HEATR4: variants seen among roughly 807,000 people sequenced by gnomAD.
HEATR4 encodes the protein HEAT repeat containing 4.
A neutral mutation model predicts 108.8 loss-of-function variants in HEATR4; 95 were observed. The observed-to-expected ratio is 0.87, with a 90% CI of 0.74 to 1.04. The LOEUF is 1.04. Ranked by LOEUF, HEATR4 falls within the 50% of genes least tolerant of loss-of-function variation. HEATR4 has a pLI of 0.00. For missense variants in HEATR4, 1,152 were observed against 1,253.8 expected (o/e 0.92, Z 1.23); for synonymous variants, 443 against 459.4 (o/e 0.96, Z 0.46).
chr14:73,555,360 A>G lies in HEATR4; in HGVS notation c.-152+3391T>C, dbSNP rs149409613. Among the ~76,000 whole-genome samples the G allele has an allele frequency of 2.4e-3, 267 of 112,668 alleles. 54 individuals are homozygous for G. The highest frequency in any genetic ancestry group is 7.2e-3 in the African/African-American group (252 of 34,902). 73.9% of individuals were successfully genotyped at this position (112,668 alleles called of 152,430 possible). On this transcript the variant is annotated intron_variant, in intron 1 of 17. Transcript: ENST00000553558. ...TTTACAAGCAGAGAGTGGGGTGACA[A>G]AGTGCTGAAGCAAAAAAACTTCCAA...
At chr14:73,499,166 T>C (rs1167797270) in intron 12 of HEATR4, 26 bp from the exon 13 acceptor site, 1 of 1,602,172 alleles carries the variant, frequency 6.2e-7, no homozygotes, top group East Asian at 2.2e-5. Context: ...CAGTGTTGAG[T>C]GGGGAGGACC....
At chr14:73,493,870 T>G (rs1216228964) in intron 16 of HEATR4, among the ~76,000 whole-genome samples, 1 of 152,306 alleles carries the variant, frequency 6.6e-6, no homozygotes, top group South Asian at 2.1e-4. Context: ...AAGAATCTTA[T>G]CTGATTGGGA....
intron 7 of HEATR4, among the ~76,000 whole-genome samples, chr14:73,510,686 T>G (rs1368349753): frequency 6.6e-6 from 1 of 152,212 alleles, no homozygotes; most frequent in Non-Finnish European, 1.5e-5. Context: ...TCCACCTGCC[T>G]TGGCCTTCCA....
chr14:73,559,208 A>C (rs1411538461), upstream of HEATR4, among the ~76,000 whole-genome samples: 1 of 151,712 alleles, frequency 6.6e-6, no homozygotes, highest in Non-Finnish European at 1.5e-5. Context: ...ATCTCGGCTC[A>C]CTGCAACCTG....
chr14:73,486,917 A>C (rs1000630157), intron 17 of HEATR4, among the ~76,000 whole-genome samples: 1 of 152,152 alleles, frequency 6.6e-6, no homozygotes, highest in African/African-American at 2.4e-5. Context: ...GGCTCTATTC[A>C]TCTTCTTTTC....
intron 2 of HEATR4, among the ~76,000 whole-genome samples, chr14:73,528,066 G>T (rs1338696031): frequency 1.3e-5 from 2 of 150,026 alleles, no homozygotes; most frequent in Admixed American, 6.7e-5. Context: ...AAACATCCCA[G>T]AAAGAATACC....
At chr14:73,612,849 TG>T in the HEATR4 span, 1 of 1,420,166 alleles carries the variant, frequency 7.0e-7, no homozygotes, top group Non-Finnish European at 9.4e-7. Flanking sequence ...TTGGTGCGGC[TG>T]GTGAAGCGCG....
chr14:73,480,137 C>T (rs1055882250), intron 17 of HEATR4, among the ~76,000 whole-genome samples: 2 of 152,050 alleles, frequency 1.3e-5, no homozygotes, highest in African/African-American at 4.8e-5. Context: ...TCTTGTTTTT[C>T]ATTTCTTAAA....
rs542642754 is a variant in HEATR4, at chr14:73,550,676, A to G, written c.-152+8075T>C. Among the ~76,000 whole-genome samples, 59 of 112,152 alleles carry G rather than the reference A, an allele frequency of 5.3e-4. 14 individuals carry two copies. Among genetic ancestry groups the G allele is most frequent in the African/African-American group, 1.7e-3 (58 of 34,282 alleles). The allele number at this position is 112,152 out of a possible 152,430, so 73.6% of individuals were successfully genotyped here. On this transcript the variant is annotated intron_variant, in intron 1 of 17. Coordinates refer to ENST00000553558, the MANE Select transcript of HEATR4 (RefSeq NM_001220484.1). The stretch of plus-strand genomic sequence containing the variant: ...CCCTCTCTCTCACAGTATACAGTCC[A>G]TTCTGCATGTAAATTTCAAAATATT...
At chr14:73,566,618 G>T in the HEATR4 span, among the ~76,000 whole-genome samples, 1 of 151,786 alleles carries the variant, frequency 6.6e-6, no homozygotes, top group African/African-American at 2.4e-5. Flanking sequence ...GGGCCAGCTG[G>T]CGGCTCCGAG....
chr14:73,529,986 CAG>C (rs1214209405), intron 2 of HEATR4, among the ~76,000 whole-genome samples, 178 bp downstream of exon 2: 2 of 141,232 alleles, frequency 1.4e-5, no homozygotes, highest in African/African-American at 5.1e-5. Context: ...ATGTTTGAGA[CAG>C]GGCCTCACTC....
At chr14:73,609,733 C>T in the HEATR4 span, among the ~76,000 whole-genome samples, 17 of 151,972 alleles carry the variant, frequency 1.1e-4, no homozygotes, top group Non-Finnish European at 2.5e-4. Context: ...CTCTGCCTCC[C>T]GGGTTCAAGC....
chr14:73,569,974 C>CG, the HEATR4 span: 1 of 1,462,790 alleles, frequency 6.8e-7, no homozygotes, highest in Non-Finnish European at 9.0e-7. Context: ...GTGTATGCCC[C>CG]CCCGCCGCGC....
At chr14:73,558,376 T>TTG (rs1555395488) in intron 1 of HEATR4, among the ~76,000 whole-genome samples, 3 of 127,984 alleles carry the variant, frequency 2.3e-5, no homozygotes, top group Non-Finnish European at 5.4e-5. Context: ...ATTTGTTTTT[T>TTG]TTTTTTTGAG....
At chr14:73,559,951 C>T (rs1348476811), upstream of HEATR4, among the ~76,000 whole-genome samples, 2 of 152,070 alleles carry the variant, frequency 1.3e-5, no homozygotes, top group Non-Finnish European at 2.9e-5. Context: ...TCCACTGCTA[C>T]TTAATCTCCT....
chr14:73,569,694 T>G, the HEATR4 span: 68 of 1,609,846 alleles, frequency 4.2e-5, 1 homozygote, highest in East Asian at 2.5e-4. Flanking sequence ...CGAGAAACCT[T>G]TGGTGCGGCT....
Position 73,509,342 on chromosome 14 carries a change from G to C in HEATR4, c.1690C>G (p.Arg564Gly), listed in dbSNP as rs146144273. The C allele has an allele frequency of 9.7e-4, 1,567 of 1,614,088 alleles. 1 individual carries two copies. Among genetic ancestry groups the C allele is most frequent in the Non-Finnish European group, 1.3e-3 (1,475 of 1,179,990 alleles). The change falls in exon 8 of 18, where the codon CGG becomes GGG. Residue 564 changes from arginine to glycine, a missense_variant. Transcript: ENST00000553558. Reference sequence around the variant, plus strand: ...AGAAGGGCAGTCTGCATGATGTTCCGGGCAAGGGGATTATGTGACTGTATG... The same window carrying C: ...AGAAGGGCAGTCTGCATGATGTTCCCGGCAAGGGGATTATGTGACTGTATG... ...YAIQSHNPLA[R>G]NIMQTALLKG... is the part of the protein sequence containing the mutation.
the HEATR4 span, among the ~76,000 whole-genome samples, chr14:73,576,932 CTTTTT>C: frequency 2.0e-3 from 186 of 91,566 alleles, no homozygotes; most frequent in South Asian, 5.7e-3. Context: ...CTTTTCTTTT[CTTTTT>C]TTTTTTTTTT....
the HEATR4 span, among the ~76,000 whole-genome samples, chr14:73,605,102 A>G: frequency 7.9e-5 from 12 of 152,162 alleles, no homozygotes; most frequent in African/African-American, 2.9e-4. Context: ...CTGAGAAGAA[A>G]AAAAAAAAAC....
Sources: gnomAD v4.1 joint callset for allele counts (sites outside exome capture counted in the v4.1 genomes callset) on GRCh38, gnomAD v4.1.1 for gene constraint, MANE v1.5 for transcripts, NCBI Gene and HGNC (gene_info 2026-07-23, HGNC 2026-07-21) for gene names.